The following SPON1 variants were observed in gnomAD, a reference collection of about 807,000 sequenced individuals.
SPON1 encodes the protein spondin-1.
Under a neutral mutation model 111.7 loss-of-function variants are expected in SPON1, and 52 were observed. The observed-to-expected ratio is 0.47, with a 90% CI of 0.37 to 0.59. SPON1 has a LOEUF of 0.59. Ranked by LOEUF, SPON1 falls within the 20% of genes least tolerant of loss-of-function variation. The pLI is 0.00. For missense variants in SPON1, 957 were observed against 1,068.5 expected (o/e 0.90, Z 1.46); for synonymous variants, 410 against 395.8 (o/e 1.04, Z -0.43).
intron 1 of SPON1, among the ~76,000 whole-genome samples, chr11:13,969,447 G>A (rs577519681): frequency 2.0e-5 from 3 of 152,214 alleles, no homozygotes; most frequent in African/African-American, 7.2e-5. Flanking sequence ...CTTATGTTGT[G>A]GCTTGTTTTG....
chr11:14,022,628 G>C (rs1358120706), intron 2 of SPON1, among the ~76,000 whole-genome samples: 1 of 152,288 alleles, frequency 6.6e-6, no homozygotes, highest in East Asian at 1.9e-4. Flanking sequence ...TCAGTGGATT[G>C]TTCAGCTGAT....
intron 3 of SPON1, among the ~76,000 whole-genome samples, chr11:14,058,615 G>C (rs1848765415): frequency 6.6e-6 from 1 of 152,166 alleles, no homozygotes; most frequent in South Asian, 2.1e-4. Context: ...GCGAAGGTGA[G>C]GCCATGGTAA....
intron 6 of SPON1, among the ~76,000 whole-genome samples, chr11:14,212,699 C>T (rs1203154509): frequency 1.3e-5 from 2 of 152,210 alleles, no homozygotes; most frequent in African/African-American, 2.4e-5. Context: ...GAAGATATTA[C>T]ACTGTTCTCT....
intron 5 of SPON1, among the ~76,000 whole-genome samples, chr11:14,102,896 G>A (rs1283273416): frequency 6.6e-6 from 1 of 152,092 alleles, no homozygotes; most frequent in African/African-American, 2.4e-5. Context: ...CCCGATCTTT[G>A]AGAATATGTA....
chr11:14,161,887 TC>T (rs1243861125), intron 6 of SPON1, among the ~76,000 whole-genome samples: 1 of 151,980 alleles, frequency 6.6e-6, no homozygotes, highest in Admixed American at 6.6e-5. Flanking sequence ...GTGTGGTGGC[TC>T]ATGCCTGTAA....
chr11:14,190,494 CTTTA>C (rs1848333271), intron 6 of SPON1, among the ~76,000 whole-genome samples: 1 of 151,466 alleles, frequency 6.6e-6, no homozygotes, highest in East Asian at 1.9e-4. Context: ...TTCCTTCCTT[CTTTA>C]CTTCCTTCCT....
At chr11:14,002,030 T>G (rs1392894430) in intron 2 of SPON1, among the ~76,000 whole-genome samples, 1 of 152,160 alleles carries the variant, frequency 6.6e-6, no homozygotes, top group African/African-American at 2.4e-5. Flanking sequence ...TTAGTCATGA[T>G]CAGGCACAGG....
intron 6 of SPON1, among the ~76,000 whole-genome samples, chr11:14,213,748 C>CTTTGT (rs1261352499): frequency 6.6e-6 from 1 of 152,186 alleles, no homozygotes; most frequent in Non-Finnish European, 1.5e-5. Context: ...AAAGTCAGTA[C>CTTTGT]ATAAGCCACG....
chr11:14,121,827 C>T (rs77886902), intron 5 of SPON1, among the ~76,000 whole-genome samples: 3,869 of 151,448 alleles, frequency 0.026, 158 homozygotes, highest in African/African-American at 0.084. Flanking sequence ...TTTAAAAAAA[C>T]GTTTTATTTT....
At chr11:14,142,561 C>T (rs1162641413) in intron 6 of SPON1, among the ~76,000 whole-genome samples, 2 of 152,236 alleles carry the variant, frequency 1.3e-5, no homozygotes, top group Non-Finnish European at 2.9e-5. Context: ...TCCCAACTCA[C>T]TGCTTTGCAC....
At chr11:14,141,444 T>C (rs185136792) in intron 6 of SPON1, among the ~76,000 whole-genome samples, 1 of 152,318 alleles carries the variant, frequency 6.6e-6, no homozygotes. Flanking sequence ...TAAAAATCCA[T>C]TAGAAAAATC....
intron 6 of SPON1, among the ~76,000 whole-genome samples, chr11:14,155,122 G>T (rs1591391303): frequency 6.6e-6 from 1 of 152,132 alleles, no homozygotes; most frequent in South Asian, 2.1e-4. Context: ...CAAGTCTCTG[G>T]AAAGTTCCAA....
chr11:14,116,165 G>A (rs1252847972), intron 5 of SPON1, among the ~76,000 whole-genome samples: 4 of 151,912 alleles, frequency 2.6e-5, no homozygotes, highest in Admixed American at 2.0e-4. Flanking sequence ...TATATGTATT[G>A]CAGACATCTT....
At chr11:14,226,848 C>T (rs376761188) in intron 6 of SPON1, among the ~76,000 whole-genome samples, 1 of 152,272 alleles carries the variant, frequency 6.6e-6, no homozygotes, top group Non-Finnish European at 1.5e-5. Flanking sequence ...CTGGTTCCTT[C>T]GGGAGGCTCC....
Position 14,259,247 on chromosome 11 carries a change from G to A in SPON1, c.1493-33G>A, listed in dbSNP as rs1554941576. 1 of 1,568,788 alleles carries A rather than the reference G, an allele frequency of 6.4e-7. No homozygotes were observed. Among genetic ancestry groups the A allele is most frequent in the Admixed American group, 1.8e-5 (1 of 56,374 alleles). On this transcript the variant is annotated intron_variant, in intron 11 of 15. Coordinates refer to ENST00000576479, the MANE Select transcript of SPON1 (RefSeq NM_006108.4). The surrounding 1 kb of genome is among the most constrained non-coding windows in gnomAD (Gnocchi z 5.0). ...GCCTGGCAGGCGCCCCTGCCACCGT[G>A]CACTGCTGCAGCGTTCACTCGGTGT...
chr11:14,169,203 G>A (rs1848068084), intron 6 of SPON1, among the ~76,000 whole-genome samples: 1 of 152,200 alleles, frequency 6.6e-6, no homozygotes, highest in African/African-American at 2.4e-5. Context: ...TCTAACTGGT[G>A]TGAGATGGTA....
intron 6 of SPON1, among the ~76,000 whole-genome samples, chr11:14,208,510 A>G (rs951637271): frequency 1.3e-5 from 2 of 152,096 alleles, no homozygotes; most frequent in African/African-American, 4.8e-5. Context: ...GAATCTTTTG[A>G]TCACTTCCAT....
chr11:14,181,916 A>G (rs1041599934), intron 6 of SPON1, among the ~76,000 whole-genome samples: 1 of 152,192 alleles, frequency 6.6e-6, no homozygotes, highest in Admixed American at 6.5e-5. Context: ...TCAGATTTAG[A>G]TATGCATTTT....
At chr11:14,075,319 T>A in intron 3 of SPON1, 26 bp from the exon 4 acceptor site, 1 of 1,546,806 alleles carries the variant, frequency 6.5e-7, no homozygotes, top group South Asian at 1.2e-5. Context: ...TCCTCACCAC[T>A]GTGCTTGGGT....
Sources: allele counts gnomAD v4.1 joint callset (sites outside exome capture counted in the v4.1 genomes callset), GRCh38; gene constraint gnomAD v4.1.1; non-coding constraint Gnocchi (gnomAD v3.1); transcripts MANE v1.5; gene names NCBI Gene and HGNC (gene_info 2026-07-23, HGNC 2026-07-21).